ATG7: variants seen among roughly 807,000 people sequenced by gnomAD.
ATG7 encodes autophagy related 7.
A neutral mutation model predicts 82.4 loss-of-function variants in ATG7; 70 were observed. The observed-to-expected ratio is 0.85, with a 90% CI of 0.70 to 1.04. ATG7 has a LOEUF of 1.04. Among genes scored for constraint, ATG7 ranks in the 50% least tolerant of loss-of-function variants. The pLI, the probability that ATG7 is intolerant of heterozygous loss-of-function variation, is 0.00. For synonymous variants in ATG7, 287 were observed against 313.0 expected (o/e 0.92, Z 0.88); for missense variants, 792 against 864.3 (o/e 0.92, Z 1.05).
intron 14 of ATG7, among the ~76,000 whole-genome samples, chr3:11,349,794 G>T (rs1188241838): frequency 6.6e-6 from 1 of 152,172 alleles, no homozygotes; most frequent in African/African-American, 2.4e-5. Context: ...TTGAATGCAA[G>T]TCTTCATGAA....
downstream of ATG7, chr3:11,559,332 C>T (rs1250299325): frequency 7.8e-6 from 12 of 1,537,610 alleles, no homozygotes; most frequent in African/African-American, 1.4e-5. Context: ...GGACACTCAC[C>T]GCTCGGTGGC....
At chr3:11,534,173 A>G (rs1453743461) in intron 20 of ATG7, among the ~76,000 whole-genome samples, 3 of 152,220 alleles carry the variant, frequency 2.0e-5, no homozygotes, top group African/African-American at 7.2e-5. Context: ...AGGATGTTCA[A>G]TCTGAATGAG....
Position 11,360,625 on chromosome 3 carries a change from G to A in ATG7, c.1524G>A (p.Met508Ile), listed in dbSNP as rs2076225820. 1 of 1,614,042 alleles carries A rather than the reference G, an allele frequency of 6.2e-7. No individual in the cohort carries two copies. Among genetic ancestry groups the A allele is most frequent in the Admixed American group, 1.7e-5 (1 of 60,000 alleles). Residue 508 changes from methionine to isoleucine, a missense_variant, in exon 16 of 21, where the codon ATG becomes ATA. Met to Ile is a conservative substitution (Grantham distance 10). Coordinates refer to ENST00000693202, the MANE Select transcript of ATG7 (RefSeq NM_001349232.2). The stretch of plus-strand genomic sequence containing the variant: ...TGGGATTTGACACATTTGTTGTCAT[G>A]AGACATGGTCTGAAGAAACCAAAGC... ...AALGFDTFVV[M>I]RHGLKKPKQQ...
intron 5 of ATG7, among the ~76,000 whole-genome samples, chr3:11,305,536 C>A (rs1296200976): frequency 1.3e-5 from 2 of 152,194 alleles, no homozygotes; most frequent in African/African-American, 2.4e-5. Flanking sequence ...CCTAGTTTAC[C>A]AACTGCTCTG....
intron 18 of ATG7, among the ~76,000 whole-genome samples, chr3:11,365,401 A>C (rs1173985581): frequency 6.6e-6 from 1 of 152,224 alleles, no homozygotes; most frequent in African/African-American, 2.4e-5. Flanking sequence ...TTAGGGAGTA[A>C]AAAGAAAAAG....
intron 20 of ATG7, among the ~76,000 whole-genome samples, chr3:11,437,979 TC>T (rs1168448029): frequency 6.6e-6 from 1 of 152,246 alleles, no homozygotes; most frequent in African/African-American, 2.4e-5. Context: ...GTTTGCTTTT[TC>T]CTCAAGCTGG....
rs558198758 is a variant in ATG7 at position 11,364,790 on chromosome 3, G to A, written c.1875+56G>A. On this transcript the variant is annotated intron_variant, in intron 18 of 20. Transcript: ENST00000693202. ...TTTTGGTACAGGGGGAAAGCATGTGGGGTCTCTTTGCCATTCCATCTGCCC... is the reference window on the plus strand; with the variant it reads ...TTTTGGTACAGGGGGAAAGCATGTGAGGTCTCTTTGCCATTCCATCTGCCC... The A allele has an allele frequency of 1.6e-4, 253 of 1,582,394 alleles. 2 individuals carry two copies. In the South Asian group the frequency reaches 2.4e-3, roughly 15 times the overall value.
At chr3:11,342,758 ACTTT>A (rs1029386669) in intron 13 of ATG7, among the ~76,000 whole-genome samples, 1 of 151,820 alleles carries the variant, frequency 6.6e-6, no homozygotes, top group African/African-American at 2.4e-5. Context: ...ATTTCAGATT[ACTTT>A]CTATTTTTTT....
In ATG7 at chr3:11,385,662, G is replaced by A. The variant is rs547743129; in HGVS notation, c.1956+5610G>A. Among the ~76,000 whole-genome samples the A allele has an allele frequency of 1.8e-4, 28 of 152,330 alleles. No homozygotes were observed. In the South Asian group the frequency reaches 3.5e-3, roughly 19 times the overall value. On this transcript the variant is annotated intron_variant, in intron 19 of 20. Coordinates refer to ENST00000693202, the MANE Select transcript of ATG7 (RefSeq NM_001349232.2). ...CCCAATACCAATTAATTTTGTAAAT[G>A]TGGAGGACTAGGGAAGGCCTTGCAG...
intron 20 of ATG7, among the ~76,000 whole-genome samples, chr3:11,503,348 C>G (rs1156987309): frequency 6.6e-6 from 1 of 151,620 alleles, no homozygotes; most frequent in Non-Finnish European, 1.5e-5. Context: ...GTTACATGTC[C>G]CAAAAAATTC....
chr3:11,477,972 C>T (rs1373305878), intron 20 of ATG7, among the ~76,000 whole-genome samples: 1 of 152,160 alleles, frequency 6.6e-6, no homozygotes, highest in Non-Finnish European at 1.5e-5. Flanking sequence ...TTTCATAAGT[C>T]AGTCTCGGGA....
At chr3:11,448,377 C>T (rs1255963173) in intron 20 of ATG7, among the ~76,000 whole-genome samples, 2 of 152,136 alleles carry the variant, frequency 1.3e-5, no homozygotes, top group Non-Finnish European at 2.9e-5. Context: ...TTCTGCTCAC[C>T]CAGGGTGGAC....
At chr3:11,523,037 T>C (rs547264223) in intron 20 of ATG7, among the ~76,000 whole-genome samples, 5 of 152,318 alleles carry the variant, frequency 3.3e-5, no homozygotes, top group East Asian at 1.9e-4. Context: ...TGAAATAGCC[T>C]GTACTTTATA....
At chr3:11,538,676 C>G (rs2070533902) in intron 20 of ATG7, among the ~76,000 whole-genome samples, 1 of 31,898 alleles carries the variant, frequency 3.1e-5, no homozygotes, top group South Asian at 2.7e-3. Context: ...AACTCCGTCT[C>G]TAAAAAAAAA....
intron 18 of ATG7, among the ~76,000 whole-genome samples, chr3:11,378,797 G>A (rs1345152138): frequency 2.6e-5 from 4 of 151,660 alleles, no homozygotes; most frequent in African/African-American, 4.9e-5. Context: ...TGAGCATCAG[G>A]ATGGAGTTAT....
intron 20 of ATG7, among the ~76,000 whole-genome samples, chr3:11,512,487 T>C (rs980020322): frequency 3.9e-5 from 6 of 152,342 alleles, no homozygotes; most frequent in Middle Eastern, 3.4e-3. Context: ...AATGAGGTAA[T>C]GTATTAGTAC....
At chr3:11,462,511 C>G (rs1409101846) in intron 20 of ATG7, among the ~76,000 whole-genome samples, 2 of 152,122 alleles carry the variant, frequency 1.3e-5, no homozygotes, top group Non-Finnish European at 2.9e-5. Context: ...AGCGTGAACA[C>G]TTTAGGGTTG....
intron 1 of ATG7, among the ~76,000 whole-genome samples, chr3:11,280,446 A>G (rs1942845981): frequency 6.6e-6 from 1 of 152,236 alleles, no homozygotes; most frequent in Admixed American, 6.5e-5. Context: ...GCTAGAAAGT[A>G]GCAGAGACAG....
At chr3:11,564,699 T>A in the ATG7 span, 2 of 1,312,690 alleles carry the variant, frequency 1.5e-6, no homozygotes, top group African/African-American at 1.5e-5. Context: ...CCTCCCTCCC[T>A]CACCACCGCC....
Sources: allele counts gnomAD v4.1 joint callset (sites outside exome capture counted in the v4.1 genomes callset), GRCh38; gene constraint gnomAD v4.1.1; transcripts MANE v1.5; gene names NCBI Gene and HGNC (gene_info 2026-07-23, HGNC 2026-07-21).